GUCY1A2: variants seen among roughly 807,000 people sequenced by gnomAD.
GUCY1A2 encodes the protein guanylate cyclase soluble subunit alpha-2.
GUCY1A2 carries 27 observed loss-of-function variants against 63.5 expected under a neutral mutation model. The ratio of observed to expected loss-of-function variants is 0.43; its 90% CI spans 0.31 to 0.59. The LOEUF is 0.59. Ranked by LOEUF, GUCY1A2 falls within the 20% of genes least tolerant of loss-of-function variation. The probability of loss-of-function intolerance (pLI) is 0.11; values close to 1 mark genes in which losing one functional copy is unlikely to be tolerated. For missense variants in GUCY1A2, 768 were observed against 913.3 expected, an observed-to-expected ratio of 0.84 and a Z score of 2.05; for synonymous variants, 364 against 343.5, an observed-to-expected ratio of 1.06 and a Z score of -0.66.
chr11:106,857,840 A>T (rs1363095616), intron 4 of GUCY1A2, among the ~76,000 whole-genome samples: 1 of 152,214 alleles, frequency 6.6e-6, no homozygotes, highest in Non-Finnish European at 1.5e-5. Flanking sequence ...ACACGAGGAT[A>T]TGCATATGTT....
At chr11:106,709,412 ATG>A (rs1863000789) in intron 6 of GUCY1A2, among the ~76,000 whole-genome samples, 1 of 94,018 alleles carries the variant, frequency 1.1e-5, no homozygotes, top group Non-Finnish European at 1.9e-5. Flanking sequence ...ATATTATACT[ATG>A]TATATATTAT....
At chr11:106,952,338 A>G (rs1591340794) in intron 3 of GUCY1A2, among the ~76,000 whole-genome samples, 1 of 152,086 alleles carries the variant, frequency 6.6e-6, no homozygotes, top group Non-Finnish European at 1.5e-5. Context: ...CAGTATGGCT[A>G]TTTTCACGAT....
At chr11:106,696,850 A>T (rs1411834089) in intron 7 of GUCY1A2, among the ~76,000 whole-genome samples, 1 of 152,182 alleles carries the variant, frequency 6.6e-6, no homozygotes, top group Non-Finnish European at 1.5e-5. Context: ...AGAGAGGAGA[A>T]GAGGTATAGG....
At chr11:106,856,645 C>G (rs1021703391) in intron 4 of GUCY1A2, among the ~76,000 whole-genome samples, 1 of 152,114 alleles carries the variant, frequency 6.6e-6, no homozygotes, top group Non-Finnish European at 1.5e-5. Flanking sequence ...TCTCTGCAGA[C>G]AGTCAAAATT....
At chr11:106,835,174 G>A (rs1427790435) in intron 4 of GUCY1A2, among the ~76,000 whole-genome samples, 1 of 151,644 alleles carries the variant, frequency 6.6e-6, no homozygotes, top group African/African-American at 2.4e-5. Context: ...ATTTAAAGAA[G>A]TAAAGAATGA....
chr11:106,880,838 G>T (rs778054940), intron 4 of GUCY1A2, among the ~76,000 whole-genome samples: 6 of 151,992 alleles, frequency 3.9e-5, no homozygotes, highest in Non-Finnish European at 7.4e-5. Flanking sequence ...ATTGTTGTTT[G>T]TTGTGATTGT....
intron 4 of GUCY1A2, among the ~76,000 whole-genome samples, chr11:106,918,880 G>A (rs1268212630): frequency 6.6e-6 from 1 of 152,074 alleles, no homozygotes; most frequent in East Asian, 1.9e-4. Flanking sequence ...ATCATCTTCT[G>A]GGATATACAA....
At chr11:106,871,989 T>C (rs1859685569) in intron 4 of GUCY1A2, among the ~76,000 whole-genome samples, 1 of 152,176 alleles carries the variant, frequency 6.6e-6, no homozygotes, top group South Asian at 2.1e-4. Flanking sequence ...GCTGTAGATG[T>C]TGTCATGTAT....
intron 1 of GUCY1A2, among the ~76,000 whole-genome samples, chr11:107,003,556 C>A (rs1591360922): frequency 6.6e-6 from 1 of 152,184 alleles, no homozygotes; most frequent in East Asian, 1.9e-4. Context: ...AGATTCCAAT[C>A]CCATATCTTC....
intron 5 of GUCY1A2, among the ~76,000 whole-genome samples, chr11:106,791,249 G>A (rs1864654402): frequency 6.6e-6 from 1 of 152,184 alleles, no homozygotes; most frequent in Non-Finnish European, 1.5e-5. Context: ...TTTCTGCTAT[G>A]ACAGGACAGC....
intron 4 of GUCY1A2, among the ~76,000 whole-genome samples, chr11:106,840,151 T>C (rs2135442877): frequency 6.6e-6 from 1 of 152,040 alleles, no homozygotes; most frequent in South Asian, 2.1e-4. Flanking sequence ...ACCTAAGAAA[T>C]AAGGTATCTC....
chr11:106,812,292 GTCTC>G (rs984939974), intron 4 of GUCY1A2, among the ~76,000 whole-genome samples: 11 of 151,176 alleles, frequency 7.3e-5, no homozygotes, highest in African/African-American at 1.9e-4. Flanking sequence ...CTTCTATGTA[GTCTC>G]TCTCTCTCTC....
rs574948666 is a variant in GUCY1A2 at position 106,951,783 on chromosome 11, T to C, written c.488-11605A>G. The stretch of plus-strand genomic sequence containing the variant: ...ATTTTGGATTTTGTCGCAATTGCTT[T>C]TGGTGTTTTTGTCATGAAGTCTTTG... On this transcript the variant is annotated intron_variant, in intron 3 of 7. Coordinates refer to ENST00000526355, the MANE Select transcript of GUCY1A2 (RefSeq NM_000855.3). 4.6e-5 allele frequency among the ~76,000 whole-genome samples: 7 copies of C among 152,358 alleles called. No homozygotes were observed. The East Asian group carries it at 9.6e-4, about 21-fold the overall frequency.
At chr11:107,013,718 G>C (rs1861779744) in intron 1 of GUCY1A2, among the ~76,000 whole-genome samples, 1 of 151,962 alleles carries the variant, frequency 6.6e-6, no homozygotes, top group South Asian at 2.1e-4. Flanking sequence ...CTGCTAATTG[G>C]AGGGTTATTT....
chr11:106,949,044 A>C (rs1860868864), intron 3 of GUCY1A2, among the ~76,000 whole-genome samples: 1 of 152,206 alleles, frequency 6.6e-6, no homozygotes, highest in African/African-American at 2.4e-5. Flanking sequence ...TAAAACTGTC[A>C]AAATAATTTA....
rs112021085 is a variant in GUCY1A2 at position 106,953,084 on chromosome 11, G to A, written c.488-12906C>T. 4.9e-3 allele frequency among the ~76,000 whole-genome samples: 747 copies of A among 152,290 alleles called. 8 individuals carry two copies. Among genetic ancestry groups the A allele is most frequent in the African/African-American group, 0.017 (710 of 41,566 alleles). On this transcript the variant is annotated intron_variant, in intron 3 of 7. Coordinates refer to ENST00000526355, the MANE Select transcript of GUCY1A2 (RefSeq NM_000855.3). ...ATACTATGTTGAATAGGAGTGGTGA[G>A]AGAGGGCATCCTTGTCTTGTACCAG... is the stretch of plus-strand genomic sequence containing the variant.
chr11:106,943,472 C>G (rs1860777932), intron 3 of GUCY1A2, among the ~76,000 whole-genome samples: 1 of 152,152 alleles, frequency 6.6e-6, no homozygotes, highest in African/African-American at 2.4e-5. Context: ...AGGTGAATAG[C>G]ATAAATGCTG....
At chr11:107,015,873 T>C (rs571780574) in intron 1 of GUCY1A2, among the ~76,000 whole-genome samples, 4 of 152,296 alleles carry the variant, frequency 2.6e-5, no homozygotes, top group Admixed American at 1.3e-4. Flanking sequence ...ATTCTGAGGA[T>C]TGTTTTCTAG....
intron 3 of GUCY1A2, among the ~76,000 whole-genome samples, chr11:106,955,391 A>G (rs1860970291): frequency 6.6e-6 from 1 of 152,174 alleles, no homozygotes; most frequent in Non-Finnish European, 1.5e-5. Context: ...CAGTTTCTTC[A>G]TGGTGTCATT....
Sources: allele counts gnomAD v4.1 joint callset (sites outside exome capture counted in the v4.1 genomes callset), GRCh38; gene constraint gnomAD v4.1.1; transcripts MANE v1.5; gene names NCBI Gene and HGNC (gene_info 2026-07-23, HGNC 2026-07-21).